ULK2: variants seen among roughly 807,000 people sequenced by gnomAD.
ULK2 encodes the protein serine/threonine-protein kinase ULK2.
Under a neutral mutation model 127.5 loss-of-function variants are expected in ULK2, and 76 were observed. That is an observed-to-expected ratio of 0.60 (90% CI 0.50 to 0.72). ULK2 has a LOEUF of 0.72. ULK2 is among the 30% of genes least tolerant of loss of function. The probability of loss-of-function intolerance (pLI) is 0.00; values close to 1 mark genes in which losing one functional copy is unlikely to be tolerated. For synonymous variants in ULK2, 452 were observed against 461.9 expected (o/e 0.98, Z 0.28); for missense variants, 1,144 against 1,295.9 (o/e 0.88, Z 1.80).
chr17:19,841,646 G>A (rs1386176409), intron 8 of ULK2, 99 bp from the exon 9 acceptor site: 5 of 897,280 alleles, frequency 5.6e-6, no homozygotes. Context: ...GGGATTGAGG[G>A]AGTGGGAGTT....
At chr17:19,785,204 T>A (rs906565436) in intron 21 of ULK2, among the ~76,000 whole-genome samples, 2 of 152,006 alleles carry the variant, frequency 1.3e-5, no homozygotes, top group African/African-American at 4.8e-5. Context: ...TAAAAATAAA[T>A]AAATAAAACA....
Position 19,865,796 on chromosome 17 carries a change from A to T in ULK2, c.123T>A (p.Ile41=). 1 of 1,564,666 alleles carries T rather than the reference A, an allele frequency of 6.4e-7. No individual in the cohort carries two copies. Among genetic ancestry groups the T allele is most frequent in the South Asian group, 1.1e-5 (1 of 87,146 alleles). Residue 41 remains isoleucine, a synonymous_variant, in exon 2 of 27, where the codon ATT becomes ATA. Coordinates refer to ENST00000395544, the MANE Select transcript of ULK2 (RefSeq NM_014683.4). ...KTDWEVAIKS[I]NKKNLSKSQI... ...GTGATTTTGACAAGTTCTTTTTATT[A>T]ATACTTTTAATAGCTACCTCCCAAT...
At position 19,864,864 on chromosome 17, in the gene ULK2, T is replaced by A. The variant is rs1218591417; in HGVS notation, c.184-20A>T. Reference sequence around the variant, plus strand: ...AAGTTCCTATTAAGAAAATTGAGAATGAAAAATATGTAAGTATTCTAATGA... The same window carrying A: ...AAGTTCCTATTAAGAAAATTGAGAAAGAAAAATATGTAAGTATTCTAATGA... On this transcript the variant is annotated intron_variant, in intron 2 of 26. Coordinates refer to ENST00000395544, the MANE Select transcript of ULK2 (RefSeq NM_014683.4). 4.1e-6 allele frequency: 5 copies of A among 1,205,962 alleles called. No homozygotes were observed. The highest frequency in any genetic ancestry group is 4.4e-6 in the Non-Finnish European group (4 of 902,046). The allele number at this position is 1,205,962 out of a possible 1,614,324, so 74.7% of individuals were successfully genotyped here.
At position 19,775,031 on chromosome 17, in the gene ULK2, A is replaced by G. The variant is rs2086790737; in HGVS notation, c.*1318T>C. On this transcript the variant is annotated 3_prime_UTR_variant, in exon 27 of 27. Transcript: ENST00000395544. ...GTTTTTATCAGTACATTAAAATTAGATTAATGCCAAAGAGCTCTGTGCAAT... is the reference window on the plus strand; with the variant it reads ...GTTTTTATCAGTACATTAAAATTAGGTTAATGCCAAAGAGCTCTGTGCAAT... 6.5e-6 allele frequency: 1 copy of G among 152,692 alleles called. No individual in the cohort carries two copies. Among genetic ancestry groups the G allele is most frequent in the African/African-American group, 2.4e-5 (1 of 41,466 alleles). 9.5% of individuals were successfully genotyped at this position (152,692 alleles called of 1,614,324 possible).
intron 10 of ULK2, among the ~76,000 whole-genome samples, chr17:19,831,936 GCCAACATGATGAAAC>G (rs2041458762): frequency 6.6e-6 from 1 of 152,220 alleles, no homozygotes; most frequent in South Asian, 2.1e-4. Flanking sequence ...GACCAGCCTG[GCCAACATGATGAAAC>G]CCTGTCTCTA....
At chr17:19,818,150 G>A (rs566415418) in intron 12 of ULK2, among the ~76,000 whole-genome samples, 27 of 151,912 alleles carry the variant, frequency 1.8e-4, no homozygotes, top group African/African-American at 2.4e-4. Context: ...GTGAAACCCC[G>A]TCTCTACTAA....
chr17:19,791,844 CAAAAAAAAAA>C (rs58434256), intron 20 of ULK2, among the ~76,000 whole-genome samples: 13 of 48,220 alleles, frequency 2.7e-4, no homozygotes, highest in South Asian at 6.7e-4. Context: ...ACCCTGTTTA[CAAAAAAAAAA>C]AAAAAAAAAA....
chr17:19,824,059 C>T (rs992930392), intron 12 of ULK2, among the ~76,000 whole-genome samples: 2 of 152,126 alleles, frequency 1.3e-5, no homozygotes, highest in Non-Finnish European at 2.9e-5. Flanking sequence ...AAAAGGTGTC[C>T]TATATGACAG....
At chr17:19,856,694 C>T (rs528655089) in intron 3 of ULK2, among the ~76,000 whole-genome samples, 2 of 151,660 alleles carry the variant, frequency 1.3e-5, no homozygotes, top group East Asian at 2.0e-4. Context: ...GTTTTACGGC[C>T]GGGTGCAGTG....
At chr17:19,831,039 A>AAC (rs1319482263) in intron 10 of ULK2, among the ~76,000 whole-genome samples, 2 of 151,530 alleles carry the variant, frequency 1.3e-5, no homozygotes, top group Admixed American at 1.3e-4. Flanking sequence ...AAAAAAAAAA[A>AAC]AAAACTACCT....
intron 14 of ULK2, among the ~76,000 whole-genome samples, chr17:19,806,081 C>A (rs1479356681): frequency 2.0e-5 from 3 of 152,040 alleles, no homozygotes; most frequent in Non-Finnish European, 4.4e-5. Flanking sequence ...AACAAAATCC[C>A]AAAAACACAA....
chr17:19,808,617 T>C (rs1412813221), intron 14 of ULK2, among the ~76,000 whole-genome samples: 1 of 152,160 alleles, frequency 6.6e-6, no homozygotes, highest in African/African-American at 2.4e-5. Context: ...TGGGCAAAGA[T>C]CTTGACTGGA....
chr17:19,778,812 G>T (rs181045892), intron 25 of ULK2, among the ~76,000 whole-genome samples: 1 of 151,998 alleles, frequency 6.6e-6, no homozygotes, highest in African/African-American at 2.4e-5. Flanking sequence ...CAAATAAAAT[G>T]GATACAGAAG....
intron 5 of ULK2, among the ~76,000 whole-genome samples, chr17:19,847,327 A>G (rs1271751363): frequency 6.6e-6 from 1 of 152,184 alleles, no homozygotes; most frequent in Non-Finnish European, 1.5e-5. Context: ...TGTGAGCACA[A>G]ATTAAAAACA....
chr17:19,787,047 G>A (rs992749516), intron 20 of ULK2, among the ~76,000 whole-genome samples: 1 of 148,592 alleles, frequency 6.7e-6, no homozygotes, highest in Non-Finnish European at 1.5e-5. Flanking sequence ...TCGCCAGGCT[G>A]GAGTGCATTG....
At chr17:19,833,338 A>G (rs547874668) in intron 10 of ULK2, among the ~76,000 whole-genome samples, 1 of 147,910 alleles carries the variant, frequency 6.8e-6, no homozygotes, top group African/African-American at 2.5e-5. Flanking sequence ...TGAACTTAAC[A>G]AAGACTTTAA....
At chr17:19,812,581 C>T (rs1173171141) in intron 13 of ULK2, among the ~76,000 whole-genome samples, 1 of 152,250 alleles carries the variant, frequency 6.6e-6, no homozygotes, top group Non-Finnish European at 1.5e-5. Flanking sequence ...CAGCTGTTTA[C>T]TCTGGTGATC....
chr17:19,803,324 T>C (rs2087440612), intron 15 of ULK2, among the ~76,000 whole-genome samples: 1 of 152,210 alleles, frequency 6.6e-6, no homozygotes, highest in Admixed American at 6.5e-5. Context: ...TAATTTTTAC[T>C]GCCTCATTAA....
rs554643908 is a variant in ULK2, at chr17:19,851,326, C to CAA, written c.226-1554_226-1553dup. On this transcript the variant is annotated intron_variant, in intron 3 of 26. Coordinates refer to ENST00000395544, the MANE Select transcript of ULK2 (RefSeq NM_014683.4). ...TGGGCAACAGAGTGAGACTTCCCCT[C>CAA]AAAAAAAAAAAAAAAAAAAAAAAAA... 2.9e-3 allele frequency among the ~76,000 whole-genome samples: 121 copies of CAA among 41,042 alleles called. 3 individuals are homozygous for CAA. Among genetic ancestry groups the CAA allele is most frequent in the Middle Eastern group, 0.016 (1 of 62 alleles). The allele number at this position is 41,042 out of a possible 152,430, so 26.9% of individuals were successfully genotyped here. A position where few individuals can be genotyped will look rare whatever the true frequency, so the allele number is the denominator to read the frequency against.
Sources: allele counts gnomAD v4.1 joint callset (sites outside exome capture counted in the v4.1 genomes callset), GRCh38; gene constraint gnomAD v4.1.1; transcripts MANE v1.5; gene names NCBI Gene and HGNC (gene_info 2026-07-23, HGNC 2026-07-21).